The following SPON1 variants were observed in gnomAD, a reference collection of about 807,000 sequenced individuals.
SPON1 encodes spondin 1.
Under a neutral mutation model 111.7 loss-of-function variants are expected in SPON1, and 52 were observed. The observed-to-expected ratio is 0.47, with a 90% CI of 0.37 to 0.59. SPON1 has a LOEUF of 0.59. Ranked by LOEUF, SPON1 falls within the 20% of genes least tolerant of loss-of-function variation. The pLI is 0.00. For missense variants in SPON1, 957 were observed against 1,068.5 expected (o/e 0.90, Z 1.46); for synonymous variants, 410 against 395.8 (o/e 1.04, Z -0.43).
At chr11:14,167,475 C>G (rs1848043485) in intron 6 of SPON1, among the ~76,000 whole-genome samples, 1 of 147,904 alleles carries the variant, frequency 6.8e-6, no homozygotes, top group Non-Finnish European at 1.5e-5. Context: ...TCTCTCCTCC[C>G]CTTTTTTTCC....
intron 3 of SPON1, among the ~76,000 whole-genome samples, chr11:14,042,529 G>A (rs1346968678): frequency 6.6e-6 from 1 of 152,172 alleles, no homozygotes; most frequent in African/African-American, 2.4e-5. Context: ...TGCTGAGAAT[G>A]TTAGGATTTC....
chr11:14,101,181 C>T (rs1421872992), intron 5 of SPON1, among the ~76,000 whole-genome samples: 2 of 152,006 alleles, frequency 1.3e-5, no homozygotes, highest in Admixed American at 6.6e-5. Flanking sequence ...GGGCGGATCA[C>T]CCAAGGTCAG....
intron 5 of SPON1, among the ~76,000 whole-genome samples, chr11:14,111,112 C>T (rs1298074126): frequency 1.3e-5 from 2 of 152,192 alleles, no homozygotes; most frequent in African/African-American, 4.8e-5. Flanking sequence ...TCTTTAAAAT[C>T]TATATTAGTT....
intron 6 of SPON1, among the ~76,000 whole-genome samples, chr11:14,172,444 C>G (rs1470288042): frequency 1.3e-5 from 2 of 151,770 alleles, no homozygotes; most frequent in African/African-American, 2.4e-5. Context: ...GACTCTTTAT[C>G]CAATTTGCCA....
At chr11:13,971,120 C>A (rs1848060198) in intron 1 of SPON1, among the ~76,000 whole-genome samples, 2 of 152,174 alleles carry the variant, frequency 1.3e-5, no homozygotes, top group South Asian at 4.1e-4. Flanking sequence ...CAAGGGATGG[C>A]AGACAGGAGG....
At chr11:14,079,216 T>G (rs782061491) in intron 4 of SPON1, among the ~76,000 whole-genome samples, 9 of 152,172 alleles carry the variant, frequency 5.9e-5, no homozygotes, top group Non-Finnish European at 1.0e-4. Context: ...TATTCACAGC[T>G]AAAAATGAGG....
At chr11:13,979,644 G>A (rs1409668879) in intron 1 of SPON1, among the ~76,000 whole-genome samples, 1 of 152,190 alleles carries the variant, frequency 6.6e-6, no homozygotes, top group Admixed American at 6.5e-5. Flanking sequence ...GTCCTCACCT[G>A]ATGCAAGGCA....
chr11:13,984,171 TTA>T (rs1848164884), intron 2 of SPON1, among the ~76,000 whole-genome samples: 1 of 152,222 alleles, frequency 6.6e-6, no homozygotes, highest in African/African-American at 2.4e-5. Context: ...TTACTTTATC[TTA>T]GTTTATCCTG....
intron 6 of SPON1, among the ~76,000 whole-genome samples, chr11:14,156,813 G>T (rs755351785): frequency 1.3e-4 from 19 of 151,976 alleles, no homozygotes; most frequent in South Asian, 6.2e-4. Context: ...GTAGATATGC[G>T]GCATTATTTC....
chr11:13,986,073 C>T (rs902784288), intron 2 of SPON1, among the ~76,000 whole-genome samples: 1 of 152,158 alleles, frequency 6.6e-6, no homozygotes, highest in Non-Finnish European at 1.5e-5. Flanking sequence ...TGTTGAGTGC[C>T]TGCTGGGTGC....
intron 2 of SPON1, among the ~76,000 whole-genome samples, chr11:14,013,926 C>T (rs904428672): frequency 6.6e-6 from 1 of 152,186 alleles, no homozygotes; most frequent in East Asian, 1.9e-4. Flanking sequence ...TGTTTTGTAG[C>T]GGGGAAAAAG....
intron 6 of SPON1, among the ~76,000 whole-genome samples, chr11:14,237,506 T>C (rs1346225912): frequency 6.6e-6 from 1 of 152,220 alleles, no homozygotes; most frequent in Non-Finnish European, 1.5e-5. Context: ...GTTGGAATCG[T>C]GGTTCCTGTG....
At chr11:14,131,104 C>A (rs1554927475) in intron 5 of SPON1, among the ~76,000 whole-genome samples, 1 of 152,200 alleles carries the variant, frequency 6.6e-6, no homozygotes, top group African/African-American at 2.4e-5. Context: ...CGGCACTCAG[C>A]ACCCACCACA....
At position 14,257,808 on chromosome 11, in the gene SPON1, C is replaced by T. The variant is rs1554941397; in HGVS notation, c.1402C>T (p.Arg468Cys). The T allele has an allele frequency of 1.2e-6, 2 of 1,610,174 alleles. No individual in the cohort carries two copies. The highest frequency in any genetic ancestry group is 1.7e-6 in the Non-Finnish European group (2 of 1,178,260). The change falls in exon 11 of 16, where the codon CGC (arginine) becomes TGC (cysteine). Residue 468 changes from arginine (R) to cysteine (C), a missense_variant. Around this residue, in one of 5 missense-constraint regions of SPON1, gnomAD observed 549 missense variants for 606.2 expected, o/e 0.91. Transcript: ENST00000576479. ...TCDKGKRMRQ[R>C]MLKAQLDLSV... ...TGACAAAGGCAAGAGGATGCGACAGCGCATGCTGAAAGCACAGCTGGACCT... is the reference window on the plus strand; with the variant it reads ...TGACAAAGGCAAGAGGATGCGACAGTGCATGCTGAAAGCACAGCTGGACCT...
intron 6 of SPON1, among the ~76,000 whole-genome samples, chr11:14,210,673 T>C (rs1848566409): frequency 6.6e-6 from 1 of 152,164 alleles, no homozygotes; most frequent in African/African-American, 2.4e-5. Flanking sequence ...GCTAGGAGGA[T>C]TACAGGCATG....
chr11:14,128,952 C>T (rs1450919893), intron 5 of SPON1, among the ~76,000 whole-genome samples: 1 of 152,378 alleles, frequency 6.6e-6, no homozygotes, highest in African/African-American at 2.4e-5. Flanking sequence ...GGAGCTTGAG[C>T]AGCTGGGACA....
At chr11:14,263,172 G>C in intron 15 of SPON1, 197 bp downstream of exon 15, 2 of 584,260 alleles carry the variant, frequency 3.4e-6, no homozygotes, top group East Asian at 5.7e-5. Flanking sequence ...AATTTATAAA[G>C]GAGATTGGCG....
rs1849198705 is a variant in SPON1, at chr11:14,262,592, A to G, written c.1997-120A>G. On this transcript the variant is annotated intron_variant, in intron 14 of 15. Coordinates refer to ENST00000576479, the MANE Select transcript of SPON1 (RefSeq NM_006108.4). ...GAGCCTCAGTTTCTTCTTCTGTAAA[A>G]TAGCATGACACAGCACCTGCTTTGC... 7.6e-6 allele frequency: 10 copies of G among 1,319,068 alleles called. No homozygotes were observed. In the Admixed American group the frequency reaches 1.1e-4, roughly 14 times the overall value. 81.7% of individuals were successfully genotyped at this position (1,319,068 alleles called of 1,614,324 possible). A position where few individuals can be genotyped will look rare whatever the true frequency, so the allele number is the denominator to read the frequency against.
At chr11:14,038,356 C>T (rs898054452) in intron 2 of SPON1, among the ~76,000 whole-genome samples, 2 of 151,910 alleles carry the variant, frequency 1.3e-5, no homozygotes, top group Non-Finnish European at 2.9e-5. Flanking sequence ...GTAATCCTAG[C>T]TACTTGGAAG....
Sources: gnomAD v4.1 joint callset for allele counts (sites outside exome capture counted in the v4.1 genomes callset) on GRCh38, gnomAD v4.1.1 for gene constraint, gnomAD v4.1.1 regional missense constraint, MANE v1.5 for transcripts, NCBI Gene and HGNC (gene_info 2026-07-23, HGNC 2026-07-21) for gene names.